Variants in DYM observed in about 807,000 individuals in gnomAD.
DYM encodes the protein dyggve-Melchior-Clausen syndrome protein.
DYM carries 78 observed loss-of-function variants against 93.1 expected under a neutral mutation model. The ratio of observed to expected loss-of-function variants is 0.84; its 90% CI spans 0.70 to 1.01. The LOEUF is 1.01. Among genes scored for constraint, DYM ranks in the 50% least tolerant of loss-of-function variants. The probability of loss-of-function intolerance (pLI) is 0.00; values close to 1 mark genes in which losing one functional copy is unlikely to be tolerated. For synonymous variants in DYM, 321 were observed against 319.7 expected (o/e 1.00, Z -0.04); for missense variants, 789 against 845.0 (o/e 0.93, Z 0.82).
chr18:49,319,049 C>A (rs1206729864), intron 8 of DYM, among the ~76,000 whole-genome samples: 1 of 152,156 alleles, frequency 6.6e-6, no homozygotes, highest in Non-Finnish European at 1.5e-5. Context: ...TTGTGATCCA[C>A]CCACCTCGGC....
intron 10 of DYM, 83 bp from the exon 11 acceptor site, chr18:49,272,386 G>A (rs2094728340): frequency 2.1e-6 from 2 of 974,060 alleles, no homozygotes; most frequent in East Asian, 2.6e-5. Context: ...TTCATTTTGT[G>A]CTCTTTGCTT....
chr18:49,432,432 C>T (rs1157790148), intron 1 of DYM, among the ~76,000 whole-genome samples: 1 of 147,906 alleles, frequency 6.8e-6, no homozygotes, highest in Non-Finnish European at 1.5e-5. Context: ...GGACATAATA[C>T]ACTAGTGAAA....
chr18:49,048,010 C>G (rs1201209978), intron 17 of DYM: 1 of 152,324 alleles, frequency 6.6e-6, no homozygotes, highest in Non-Finnish European at 1.5e-5. Context: ...GGTCATGCAG[C>G]CTGCTGGAGT....
At chr18:49,454,665 C>T (rs35755610) in intron 1 of DYM, among the ~76,000 whole-genome samples, 25,223 of 151,554 alleles carry the variant, frequency 0.17, 2,806 homozygotes, top group East Asian at 0.33. Flanking sequence ...TTTGGGAGGC[C>T]GAGGCCGGTG....
chr18:49,281,350 T>C (rs2094970988), intron 10 of DYM, among the ~76,000 whole-genome samples: 1 of 152,224 alleles, frequency 6.6e-6, no homozygotes, highest in South Asian at 2.1e-4. Flanking sequence ...TTTACACTGT[T>C]GGTGGGACTG....
intron 13 of DYM, among the ~76,000 whole-genome samples, chr18:49,244,340 A>C (rs1380235748): frequency 6.6e-6 from 1 of 152,178 alleles, no homozygotes; most frequent in Non-Finnish European, 1.5e-5. Flanking sequence ...AAATCTTTTC[A>C]GTCAGTAACT....
chr18:49,422,018 T>A (rs2073767916), intron 2 of DYM, among the ~76,000 whole-genome samples: 1 of 152,068 alleles, frequency 6.6e-6, no homozygotes, highest in Non-Finnish European at 1.5e-5. Context: ...AAAGACCAAA[T>A]CTATGTCTGA....
At chr18:49,366,924 C>A (rs1328611831) in intron 5 of DYM, among the ~76,000 whole-genome samples, 1 of 151,680 alleles carries the variant, frequency 6.6e-6, no homozygotes, top group African/African-American at 2.4e-5. Context: ...GGGGCAGAAA[C>A]CAGATTGGAA....
chr18:49,140,045 C>T (rs760789703), intron 15 of DYM, among the ~76,000 whole-genome samples: 3 of 152,132 alleles, frequency 2.0e-5, no homozygotes, highest in African/African-American at 4.8e-5. Context: ...GAACAATGGG[C>T]ACCCATTCAA....
At chr18:49,455,422 A>C (rs1357280164) in intron 1 of DYM, among the ~76,000 whole-genome samples, 1 of 152,214 alleles carries the variant, frequency 6.6e-6, no homozygotes, top group Non-Finnish European at 1.5e-5. Flanking sequence ...AATCTAAAGG[A>C]AGAGAATGAA....
chr18:49,130,233 C>T (rs1302942556), intron 15 of DYM, among the ~76,000 whole-genome samples: 1 of 152,120 alleles, frequency 6.6e-6, no homozygotes, highest in South Asian at 2.1e-4. Context: ...TGAAAAAAGC[C>T]CTCTGACACT....
chr18:49,322,381 TA>T (rs2146613327), intron 8 of DYM, among the ~76,000 whole-genome samples: 1 of 149,170 alleles, frequency 6.7e-6, no homozygotes, highest in African/African-American at 2.6e-5. Context: ...CTTTGTCTTA[TA>T]ACTTAAAACA....
Position 49,427,581 on chromosome 18 carries a change from GT to G in DYM, c.140+2673del. 2.0e-5 allele frequency among the ~76,000 whole-genome samples: 3 copies of G among 150,000 alleles called. No homozygotes were observed. The South Asian group carries it at 6.4e-4, about 32-fold the overall frequency. ...TGTGAGGTGTGATAATGGTATTATG[GT>G]TATGTAAAAAAAAAGACTTTACGAT... is the stretch of plus-strand genomic sequence containing the variant. On this transcript the variant is annotated intron_variant, in intron 2 of 17. Coordinates refer to ENST00000675505, the MANE Select transcript of DYM (RefSeq NM_001353214.3).
At chr18:49,152,815 G>C (rs1235443647) in intron 15 of DYM, among the ~76,000 whole-genome samples, 2 of 152,170 alleles carry the variant, frequency 1.3e-5, no homozygotes, top group African/African-American at 4.8e-5. Context: ...CCTATCATTT[G>C]CGACAACATG....
At chr18:49,265,816 T>C (rs1024445986) in intron 11 of DYM, among the ~76,000 whole-genome samples, 5 of 131,348 alleles carry the variant, frequency 3.8e-5, no homozygotes, top group Admixed American at 2.3e-4. Context: ...GTGAAGAAAA[T>C]ACTGAAAACA....
chr18:49,254,105 T>C (rs969711952), intron 13 of DYM, among the ~76,000 whole-genome samples: 2 of 152,058 alleles, frequency 1.3e-5, no homozygotes, highest in Non-Finnish European at 2.9e-5. Context: ...CAGTTTCTCT[T>C]ATCTATCATG....
intron 2 of DYM, among the ~76,000 whole-genome samples, chr18:49,409,550 T>G (rs921426528): frequency 6.6e-6 from 1 of 152,160 alleles, no homozygotes; most frequent in Non-Finnish European, 1.5e-5. Context: ...GAGCTTGGTG[T>G]TAAAGCATGT....
rs146732376 is a variant in DYM, at chr18:49,154,313, T to C, written c.1728+9372A>G. On this transcript the variant is annotated intron_variant, in intron 15 of 17. Transcript: ENST00000675505. ...AAAGTTAACAGTAATGTACCAGTAT[T>C]AATTCCTTTATTTTGATAAATGTTA... Among the ~76,000 whole-genome samples the C allele has an allele frequency of 2.6e-3, 398 of 152,308 alleles. 1 individual carries two copies. The highest frequency in any genetic ancestry group is 9.2e-3 in the African/African-American group (382 of 41,576).
Position 49,100,701 on chromosome 18 carries a change from C to T in DYM, c.1912-3186G>A, listed in dbSNP as rs565476311. Among the ~76,000 whole-genome samples, 21 of 152,276 alleles carry T rather than the reference C, an allele frequency of 1.4e-4. 1 individual carries two copies. In the South Asian group the frequency reaches 1.7e-3, roughly 12 times the overall value. On this transcript the variant is annotated intron_variant, in intron 16 of 17. Coordinates refer to ENST00000675505, the MANE Select transcript of DYM (RefSeq NM_001353214.3). ...AAACAAATCTATCCTGAATGTTTAT[C>T]ATGGACTGTGTGCTGTACATATACT...
Sources: gnomAD v4.1 joint callset for allele counts (sites outside exome capture counted in the v4.1 genomes callset) on GRCh38, gnomAD v4.1.1 for gene constraint, MANE v1.5 for transcripts, NCBI Gene and HGNC (gene_info 2026-07-23, HGNC 2026-07-21) for gene names.